The following PBX1 variants were observed in gnomAD, a reference collection of about 807,000 sequenced individuals.
PBX1 encodes PBX homeobox 1, also known as pre-B-cell leukemia transcription factor 1.
PBX1 carries 6 observed loss-of-function variants against 53.4 expected under a neutral mutation model. That is an observed-to-expected ratio of 0.11 (90% CI 0.06 to 0.22). The LOEUF (loss-of-function observed/expected upper bound fraction) is 0.22, where lower values mean the gene tolerates loss of function less well. Ranked by LOEUF, PBX1 falls within the 10% of genes least tolerant of loss-of-function variation. PBX1 has a pLI of 1.00. For synonymous variants in PBX1, 204 were observed against 212.3 expected, an observed-to-expected ratio of 0.96 and a Z score of 0.34; for missense variants, 251 against 551.4, an observed-to-expected ratio of 0.46 and a Z score of 5.46.
chr1:164,737,260 G>T (rs1458920211), intron 2 of PBX1, among the ~76,000 whole-genome samples: 2 of 152,176 alleles, frequency 1.3e-5, no homozygotes, highest in African/African-American at 4.8e-5. Flanking sequence ...CACGTTAGTA[G>T]TGTCTAGAGA....
chr1:164,844,939 A>C (rs560698236), intron 8 of PBX1, among the ~76,000 whole-genome samples: 4 of 152,308 alleles, frequency 2.6e-5, no homozygotes, highest in Admixed American at 2.6e-4. Context: ...AACAGAGAAA[A>C]GGAGTGAGAG....
intron 2 of PBX1, among the ~76,000 whole-genome samples, chr1:164,738,532 T>G (rs1033102511): frequency 6.6e-6 from 1 of 152,178 alleles, no homozygotes; most frequent in Non-Finnish European, 1.5e-5. Flanking sequence ...CCTCATGCAA[T>G]TCTCCCAAAG....
chr1:164,681,396 A>G (rs1253893893), intron 2 of PBX1, among the ~76,000 whole-genome samples: 2 of 152,202 alleles, frequency 1.3e-5, no homozygotes, highest in Non-Finnish European at 2.9e-5. Flanking sequence ...GGGAATGAAC[A>G]CTAGAAAGTA....
At chr1:164,751,580 CCTT>C (rs1666221137) in intron 2 of PBX1, among the ~76,000 whole-genome samples, 2 of 142,068 alleles carry the variant, frequency 1.4e-5, no homozygotes, top group African/African-American at 2.7e-5. Flanking sequence ...TTATTGCCCC[CCTT>C]TTTTTTTTTT....
chr1:164,663,071 T>A (rs1660580594), intron 2 of PBX1, among the ~76,000 whole-genome samples: 1 of 152,220 alleles, frequency 6.6e-6, no homozygotes, highest in African/African-American at 2.4e-5. Context: ...TCAAATAGTT[T>A]CCCAGAAGCC....
intron 7 of PBX1, 35 bp downstream of exon 7, chr1:164,820,219 C>G (rs756887033): frequency 1.5e-5 from 17 of 1,165,616 alleles, no homozygotes; most frequent in Non-Finnish European, 1.9e-5. Context: ...CAGGTGAATG[C>G]CTTAGAGTCC....
At chr1:164,739,754 T>TGA (rs560298859) in intron 2 of PBX1, among the ~76,000 whole-genome samples, 2 of 61,482 alleles carry the variant, frequency 3.3e-5, no homozygotes, top group Admixed American at 2.6e-4. Flanking sequence ...TGGTTGTGCA[T>TGA]GTGTGTGTGT....
chr1:164,808,573 G>A (rs1441717461), intron 5 of PBX1, among the ~76,000 whole-genome samples: 1 of 152,160 alleles, frequency 6.6e-6, no homozygotes, highest in African/African-American at 2.4e-5. Flanking sequence ...GGCTACTGTA[G>A]CGAGAAATTT....
chr1:164,588,893 C>T lies in PBX1; in HGVS notation c.265+25582C>T, dbSNP rs1655152746. On this transcript the variant is annotated intron_variant, in intron 2 of 8. Transcript: ENST00000420696. ...AGGGAGGCTGTTTCTACCCTCCTAACCCTCTTTTTTCCTTTCTGTTGTTTA... is the reference window on the plus strand; with the variant it reads ...AGGGAGGCTGTTTCTACCCTCCTAATCCTCTTTTTTCCTTTCTGTTGTTTA... Among the ~76,000 whole-genome samples, 4 of 152,124 alleles carry T rather than the reference C, an allele frequency of 2.6e-5. No individual in the cohort carries two copies. The South Asian group carries it at 8.3e-4, about 32-fold the overall frequency.
intron 2 of PBX1, among the ~76,000 whole-genome samples, chr1:164,787,977 G>A (rs1037256771): frequency 7.2e-5 from 11 of 152,128 alleles, no homozygotes; most frequent in Admixed American, 5.9e-4. Flanking sequence ...GGACGCGTCC[G>A]GGCCTGCCTG....
At chr1:164,632,144 C>T (rs1365358288) in intron 2 of PBX1, among the ~76,000 whole-genome samples, 2 of 152,172 alleles carry the variant, frequency 1.3e-5, no homozygotes, top group African/African-American at 2.4e-5. Context: ...TTATTGTTAT[C>T]GCCATGATTA....
intron 6 of PBX1, chr1:164,813,889 A>G (rs999311245): frequency 6.6e-6 from 1 of 152,196 alleles, no homozygotes; most frequent in Non-Finnish European, 1.5e-5. Flanking sequence ...ATGTCAGACT[A>G]TGATTACAGT....
intron 8 of PBX1, among the ~76,000 whole-genome samples, chr1:164,843,917 G>A (rs1671427589): frequency 6.6e-6 from 1 of 151,900 alleles, no homozygotes; most frequent in African/African-American, 2.4e-5. Context: ...TTCATTTTTT[G>A]CACCACTTAT....
intron 2 of PBX1, among the ~76,000 whole-genome samples, chr1:164,618,093 G>A (rs1404856257): frequency 1.3e-5 from 2 of 152,108 alleles, no homozygotes; most frequent in African/African-American, 2.4e-5. Context: ...TCTAGAAAGC[G>A]TTTGCCTGGT....
intron 8 of PBX1, among the ~76,000 whole-genome samples, chr1:164,824,808 ATACT>A (rs1014459253): frequency 4.6e-5 from 7 of 152,328 alleles, no homozygotes; most frequent in Non-Finnish European, 1.0e-4. Context: ...TCAATCAGAC[ATACT>A]TAAAGATCAC....
At chr1:164,563,077 G>A (rs767358110) in intron 1 of PBX1, 161 bp from the exon 2 acceptor site, 9 of 441,432 alleles carry the variant, frequency 2.0e-5, no homozygotes, top group Admixed American at 8.0e-5. Flanking sequence ...TTTCTATGGC[G>A]GGACTCTGTA....
intron 2 of PBX1, among the ~76,000 whole-genome samples, chr1:164,604,295 C>T (rs1057387131): frequency 2.0e-5 from 3 of 152,198 alleles, no homozygotes; most frequent in Non-Finnish European, 4.4e-5. Flanking sequence ...CAAAGCCTCA[C>T]AGAGGATATG....
intron 2 of PBX1, among the ~76,000 whole-genome samples, chr1:164,864,159 G>T (rs960021465): frequency 2.6e-5 from 4 of 152,128 alleles, no homozygotes; most frequent in Non-Finnish European, 5.9e-5. Flanking sequence ...AACTTGGAAG[G>T]GGAGGGAAGA....
At chr1:164,806,220 T>A (rs1042188549) in intron 4 of PBX1, among the ~76,000 whole-genome samples, 1 of 152,172 alleles carries the variant, frequency 6.6e-6, no homozygotes, top group Non-Finnish European at 1.5e-5. Flanking sequence ...AGGCCTTCAT[T>A]GTCAGGAAGC....
Sources: gnomAD v4.1 joint callset for allele counts (sites outside exome capture counted in the v4.1 genomes callset) on GRCh38, gnomAD v4.1.1 for gene constraint, MANE v1.5 for transcripts, NCBI Gene and HGNC (gene_info 2026-07-23, HGNC 2026-07-21) for gene names.